The following SMAD1 variants were observed in gnomAD, a reference collection of about 807,000 sequenced individuals.
The protein encoded by SMAD1 is SMAD family member 1.
In SMAD1, 6 loss-of-function variants were observed where a neutral mutation model predicts 41.6. The observed-to-expected ratio is 0.14, with a 90% confidence interval of 0.08 to 0.28. The LOEUF (loss-of-function observed/expected upper bound fraction) is 0.28. Among genes scored for constraint, SMAD1 ranks in the 10% least tolerant of loss-of-function variants. The probability of loss-of-function intolerance (pLI) is 1.00; values close to 1 mark genes in which losing one functional copy is unlikely to be tolerated. For missense variants in SMAD1, 379 were observed against 582.6 expected, an observed-to-expected ratio of 0.65 and a Z score of 3.60; for synonymous variants, 206 against 203.2, an observed-to-expected ratio of 1.01 and a Z score of -0.12.
At chr4:145,529,067 T>A (rs1031200163) in intron 2 of SMAD1, among the ~76,000 whole-genome samples, 28 of 152,350 alleles carry the variant, frequency 1.8e-4, no homozygotes, top group African/African-American at 6.7e-4. Context: ...ATCTGAGAAG[T>A]ACTATTATTC....
At chr4:145,494,919 G>T (rs1728982053) in intron 1 of SMAD1, among the ~76,000 whole-genome samples, 1 of 152,142 alleles carries the variant, frequency 6.6e-6, no homozygotes, top group Non-Finnish European at 1.5e-5. Context: ...GAGACAGAAA[G>T]GATATGTGTG....
intron 2 of SMAD1, among the ~76,000 whole-genome samples, chr4:145,533,473 A>G (rs1731433081): frequency 6.6e-6 from 1 of 151,960 alleles, no homozygotes; most frequent in African/African-American, 2.4e-5. Context: ...ATAGCTTGAG[A>G]CTAGGAGTTT....
rs1471965730 is a variant in SMAD1 at position 145,482,394 on chromosome 4, G to T, written c.-177+356G>T. 1 of 152,182 alleles carries T rather than the reference G, an allele frequency of 6.6e-6. No homozygotes were observed. Among genetic ancestry groups the T allele is most frequent in the Non-Finnish European group, 1.5e-5 (1 of 68,320 alleles). 9.4% of individuals were successfully genotyped at this position (152,182 alleles called of 1,614,324 possible). On this transcript the variant is annotated intron_variant, in intron 1 of 6. Transcript: ENST00000302085. The surrounding 1 kb of genome is among the most constrained non-coding windows in gnomAD (Gnocchi z 4.2). ...CGGCTCCCGGGCCTGACCGCGCTGG[G>T]ATCTCCCCGGCCGCGCTCCCCTTCC...
rs534996392 is a variant in SMAD1, at chr4:145,535,538, G to GA, written c.401-4260dup. On this transcript the variant is annotated intron_variant, in intron 2 of 6. Coordinates refer to ENST00000302085, the MANE Select transcript of SMAD1 (RefSeq NM_005900.3). ...TATGAAGTTTTTCTCATATATAGGT[G>GA]AAAAAAGCAAAGTGCAAAAGAGCCT... is the stretch of plus-strand genomic sequence containing the variant. 1.2e-4 allele frequency among the ~76,000 whole-genome samples: 19 copies of GA among 152,206 alleles called. No homozygotes were observed. In the South Asian group the frequency reaches 2.3e-3, roughly 18 times the overall value.
At chr4:145,528,761 G>A (rs1043501867) in intron 2 of SMAD1, among the ~76,000 whole-genome samples, 1 of 152,136 alleles carries the variant, frequency 6.6e-6, no homozygotes, top group East Asian at 1.9e-4. Flanking sequence ...ACCTCTTACT[G>A]TGTGCTTATG....
chr4:145,522,654 GTGTTT>G (rs201579124), intron 2 of SMAD1, among the ~76,000 whole-genome samples: 2,342 of 152,156 alleles, frequency 0.015, 67 homozygotes, highest in African/African-American at 0.05. Context: ...CATTGTGAAT[GTGTTT>G]TGTTTTGTTT....
At chr4:145,535,653 A>C (rs1464510523) in intron 2 of SMAD1, among the ~76,000 whole-genome samples, 1 of 152,182 alleles carries the variant, frequency 6.6e-6, no homozygotes, top group Non-Finnish European at 1.5e-5. Flanking sequence ...GAAACACAGG[A>C]TAAGCCAGAA....
intron 5 of SMAD1, among the ~76,000 whole-genome samples, chr4:145,547,840 C>T (rs375750568): frequency 8.5e-5 from 13 of 152,240 alleles, no homozygotes; most frequent in African/African-American, 2.9e-4. Flanking sequence ...TCATGTATTA[C>T]GTATGTGTGT....
At chr4:145,542,359 CTTTTCCTCCCACTGAA>C (rs531028133) in intron 3 of SMAD1, among the ~76,000 whole-genome samples, 13 of 152,230 alleles carry the variant, frequency 8.5e-5, no homozygotes, top group African/African-American at 1.2e-4. Context: ...TAGTATAATT[CTTTTCCTCCCACTGAA>C]TTTTCACAAA....
intron 5 of SMAD1, among the ~76,000 whole-genome samples, chr4:145,547,172 C>A (rs1732293753): frequency 6.6e-6 from 1 of 152,140 alleles, no homozygotes; most frequent in Admixed American, 6.6e-5. Context: ...TTTTAAGACA[C>A]TATTCTGTAT....
At chr4:145,519,088 C>CTTTTTTTTTTTTTTTTTTTTGT (rs1730582325) in intron 2 of SMAD1, among the ~76,000 whole-genome samples, 1 of 34,892 alleles carries the variant, frequency 2.9e-5, no homozygotes, top group Non-Finnish European at 6.2e-5. Context: ...GTTTGGTTGG[C>CTTTTTTTTTTTTTTTTTTTTGT]TTTTTTTTTT....
chr4:145,515,036 A>T, intron 2 of SMAD1, 23 bp downstream of exon 2: 4 of 1,574,204 alleles, frequency 2.5e-6, no homozygotes, highest in Non-Finnish European at 3.5e-6. Context: ...TTTTATGTTG[A>T]TGTGCTTTGT....
At chr4:145,500,239 A>G (rs546870104) in intron 1 of SMAD1, among the ~76,000 whole-genome samples, 19 of 152,170 alleles carry the variant, frequency 1.2e-4, no homozygotes, top group African/African-American at 4.3e-4. Context: ...CAGTAATTCT[A>G]TTAAACTCTA....
intron 1 of SMAD1, among the ~76,000 whole-genome samples, chr4:145,489,902 T>C (rs1450503604): frequency 2.6e-5 from 4 of 152,292 alleles, no homozygotes; most frequent in Middle Eastern, 3.4e-3. Flanking sequence ...CCTGAGAGGC[T>C]GTTTGACATA....
Position 145,512,345 on chromosome 4 carries a change from T to C in SMAD1, c.-176-2093T>C, listed in dbSNP as rs535431835. On this transcript the variant is annotated intron_variant, in intron 1 of 6. Coordinates refer to ENST00000302085, the MANE Select transcript of SMAD1 (RefSeq NM_005900.3). ...TAAAAATATTGCTCTGTTACAGTCTTTCTTCTTTTCCTTTAAGACTCTACT... is the reference window on the plus strand; with the variant it reads ...TAAAAATATTGCTCTGTTACAGTCTCTCTTCTTTTCCTTTAAGACTCTACT... Among the ~76,000 whole-genome samples the C allele has an allele frequency of 5.9e-5, 9 of 152,326 alleles. No individual in the cohort carries two copies. The South Asian group carries it at 1.9e-3, about 32-fold the overall frequency.
chr4:145,509,281 C>G (rs1729951594), intron 1 of SMAD1, among the ~76,000 whole-genome samples: 1 of 152,196 alleles, frequency 6.6e-6, no homozygotes, highest in Non-Finnish European at 1.5e-5. Context: ...ATTGTGAGCT[C>G]CTCCAGTATG....
Position 145,553,772 on chromosome 4 carries a change from G to C in SMAD1, c.998-12G>C. The C allele has an allele frequency of 6.2e-7, 1 of 1,610,114 alleles. No individual in the cohort carries two copies. The highest frequency in any genetic ancestry group is 8.5e-7 in the Non-Finnish European group (1 of 1,176,582). ...TAATAATAACTAAATGGTATGCTTTGTCTTCCTATAGGAGTTCATCTTTAT... is the reference window on the plus strand; with the variant it reads ...TAATAATAACTAAATGGTATGCTTTCTCTTCCTATAGGAGTTCATCTTTAT... On this transcript the variant is annotated splice_polypyrimidine_tract_variant and intron_variant, in intron 5 of 6. Transcript: ENST00000302085.
rs531308282 is a variant in SMAD1 at position 145,542,103 on chromosome 4, C to A, written c.659-479C>A. Among the ~76,000 whole-genome samples the A allele has an allele frequency of 3.9e-5, 6 of 152,260 alleles. No individual in the cohort carries two copies. In the South Asian group the frequency reaches 1.2e-3, roughly 32 times the overall value. Reference sequence around the variant, plus strand: ...CTAAAGTCATGGAAAATTAACAGTTCAAATCAGTAGGCTATAATGAAACTT... The same window carrying A: ...CTAAAGTCATGGAAAATTAACAGTTAAAATCAGTAGGCTATAATGAAACTT... On this transcript the variant is annotated intron_variant, in intron 3 of 6. Transcript: ENST00000302085.
Position 145,558,051 on chromosome 4 carries a change from G to C in SMAD1, c.*117G>C, listed in dbSNP as rs1240154680. On this transcript the variant is annotated 3_prime_UTR_variant, in exon 7 of 7. Coordinates refer to ENST00000302085, the MANE Select transcript of SMAD1 (RefSeq NM_005900.3). ...AGCCTTGATAATACTTGACCTCTGT[G>C]ACCAACTGTTGGATTCAGAAATTTA... 2.0e-5 allele frequency: 11 copies of C among 538,690 alleles called. No homozygotes were observed. Among genetic ancestry groups the C allele is most frequent in the Non-Finnish European group, 3.3e-5 (11 of 338,034 alleles). 33.4% of individuals were successfully genotyped at this position (538,690 alleles called of 1,614,324 possible).
Sources: allele counts gnomAD v4.1 joint callset (sites outside exome capture counted in the v4.1 genomes callset), GRCh38; gene constraint gnomAD v4.1.1; non-coding constraint Gnocchi (gnomAD v3.1); transcripts MANE v1.5; gene names NCBI Gene and HGNC (gene_info 2026-07-23, HGNC 2026-07-21).